AGO3: variants seen among roughly 807,000 people sequenced by gnomAD.
The protein encoded by AGO3 is argonaute RISC catalytic component 3, also known as protein argonaute-3.
AGO3 carries 16 observed loss-of-function variants against 105.5 expected under a neutral mutation model. That is an observed-to-expected ratio of 0.15 (90% CI 0.10 to 0.23). The LOEUF is 0.23. Among genes scored for constraint, AGO3 ranks in the 10% least tolerant of loss-of-function variants. AGO3 has a pLI of 1.00. For synonymous variants in AGO3, 340 were observed against 367.3 expected, an observed-to-expected ratio of 0.93 and a Z score of 0.85; for missense variants, 534 against 1,088.0, an observed-to-expected ratio of 0.49 and a Z score of 7.16.
At chr1:35,973,570 C>G in intron 5 of AGO3, 59 bp downstream of exon 5, 4 of 1,359,264 alleles carry the variant, frequency 2.9e-6, no homozygotes, top group Non-Finnish European at 3.8e-6. Flanking sequence ...GATGTGTGTA[C>G]ATAAATTTTA....
At chr1:35,959,799 A>T (rs904631033) in intron 2 of AGO3, among the ~76,000 whole-genome samples, 1 of 152,106 alleles carries the variant, frequency 6.6e-6, no homozygotes, top group East Asian at 1.9e-4. Context: ...ATGCTAAAAC[A>T]TTGTAGTGTA....
chr1:36,009,087 T>C, intron 8 of AGO3, 43 bp downstream of exon 8: 4 of 1,483,300 alleles, frequency 2.7e-6, no homozygotes, highest in Non-Finnish European at 3.5e-6. Context: ...TTGTTCATGA[T>C]TCTTTTGGGG....
chr1:35,947,576 A>T (rs1646390057), intron 2 of AGO3, among the ~76,000 whole-genome samples: 1 of 152,140 alleles, frequency 6.6e-6, no homozygotes. Context: ...ATACTCAGTA[A>T]AGTGAATGAA....
intron 11 of AGO3, among the ~76,000 whole-genome samples, chr1:36,021,878 C>T (rs909306489): frequency 1.2e-4 from 18 of 151,850 alleles, no homozygotes; most frequent in Non-Finnish European, 2.2e-4. Flanking sequence ...TCCTTCTTTC[C>T]TCTCTCTTTT....
intron 5 of AGO3, among the ~76,000 whole-genome samples, chr1:35,998,544 C>T (rs1351937460): frequency 2.0e-5 from 3 of 152,044 alleles, no homozygotes; most frequent in Non-Finnish European, 4.4e-5. Flanking sequence ...TTCATTCTTC[C>T]ATTGGCTTAT....
chr1:35,934,618 C>T (rs779012048), intron 1 of AGO3, among the ~76,000 whole-genome samples: 4 of 152,058 alleles, frequency 2.6e-5, no homozygotes, highest in Non-Finnish European at 5.9e-5. Flanking sequence ...ATCAGGGTCC[C>T]AATTTAGTAT....
chr1:35,945,218 T>C lies in AGO3; in HGVS notation c.20-474T>C, dbSNP rs79978206. On this transcript the variant is annotated intron_variant, in intron 1 of 18. Transcript: ENST00000373191. ...TTACTCTTTTCTTTTCTTTTCTTTT[T>C]TTTTTTTAAATAGAGACAAGTTCTC... 9.6e-3 allele frequency among the ~76,000 whole-genome samples: 1,096 copies of C among 113,938 alleles called. 9 individuals are homozygous for C. The highest frequency in any genetic ancestry group is 0.025 in the Admixed American group (196 of 7,976). The allele number at this position is 113,938 out of a possible 152,430, so 74.7% of individuals were successfully genotyped here.
chr1:36,012,414 G>A (rs1640664595), intron 9 of AGO3, among the ~76,000 whole-genome samples: 1 of 151,874 alleles, frequency 6.6e-6, no homozygotes, highest in African/African-American at 2.4e-5. Flanking sequence ...CATGCTTTAA[G>A]CATGAATTTC....
At position 36,063,193 on chromosome 1, in the gene AGO3, G is replaced by T. The variant is rs1643045427; in HGVS notation, c.*7448G>T. 1 of 152,222 alleles carries T rather than the reference G, an allele frequency of 6.6e-6. No individual in the cohort carries two copies. The highest frequency in any genetic ancestry group is 1.9e-4 in the East Asian group (1 of 5,186). 9.4% of individuals were successfully genotyped at this position (152,222 alleles called of 1,614,324 possible). ...ATATTTAATGTTGTTTATATAGTGG[G>T]CATTAAAGACAGTCTTTAGACAGAT... On this transcript the variant is annotated 3_prime_UTR_variant, in exon 19 of 19. Transcript: ENST00000373191.
In AGO3 at chr1:35,931,236, C is replaced by T. The variant is rs1646039674; in HGVS notation, c.-191C>T. The T allele has an allele frequency of 6.7e-6, 3 of 448,012 alleles. No individual in the cohort carries two copies. Among genetic ancestry groups the T allele is most frequent in the East Asian group, 7.1e-5 (2 of 28,142 alleles). The allele number at this position is 448,012 out of a possible 1,614,324, so 27.8% of individuals were successfully genotyped here. A position where few individuals can be genotyped will look rare whatever the true frequency, so the allele number is the denominator to read the frequency against. ...CCCCTTCCTCTCGCCTAGTCCTGTG[C>T]CGTTTTCCGTCCGCGACTCTTCCGG... On this transcript the variant is annotated 5_prime_UTR_variant, in exon 1 of 19. Transcript: ENST00000373191.
intron 5 of AGO3, among the ~76,000 whole-genome samples, chr1:35,994,642 C>A (rs954945610): frequency 6.6e-6 from 1 of 151,870 alleles, no homozygotes. Context: ...CAAAACAAAC[C>A]CCATTAAAAT....
intron 2 of AGO3, among the ~76,000 whole-genome samples, chr1:35,965,050 T>G (rs1020791294): frequency 6.6e-6 from 1 of 151,968 alleles, no homozygotes; most frequent in Non-Finnish European, 1.5e-5. Flanking sequence ...TATTTCAGTC[T>G]CCTCCATTTT....
Position 36,027,121 on chromosome 1 carries a change from A to G in AGO3, c.1414A>G (p.Thr472Ala). 6.2e-7 allele frequency: 1 copy of G among 1,612,436 alleles called. No homozygotes were observed. The highest frequency in any genetic ancestry group is 1.1e-5 in the South Asian group (1 of 90,978). The change falls in exon 12 of 19, where the codon ACA becomes GCA. Residue 472 changes from threonine to alanine, a missense_variant. Around this residue, in one of 2 missense-constraint regions of AGO3, gnomAD observed 373 missense variants for 854.0 expected, o/e 0.44. Coordinates refer to ENST00000373191, the MANE Select transcript of AGO3 (RefSeq NM_024852.4). This position sits in a 1 kb window ranked among gnomAD's most constrained non-coding sequence, Gnocchi z 4.0. ...AGTGGTTTCTCCTTCCAGGGGTTTC[A>G]CAGACCAGCTGCGTAAGATTTCTAA... ...QCREEILKGF[T>A]DQLRKISKDA...
chr1:35,978,851 C>T (rs1462415297), intron 5 of AGO3, among the ~76,000 whole-genome samples: 2 of 152,078 alleles, frequency 1.3e-5, no homozygotes, highest in Non-Finnish European at 2.9e-5. Flanking sequence ...TTCTGGTGAT[C>T]ACTGTTTTAG....
In AGO3 at chr1:36,070,359, A is replaced by G. The variant is rs1278085936; in HGVS notation, c.*14614A>G. ...GAAAGTTTCTGCTTCATGTGAATTC[A>G]ATTCTGAGCACCTGCAGGTCATATC... is the stretch of plus-strand genomic sequence containing the variant. On this transcript the variant is annotated 3_prime_UTR_variant, in exon 19 of 19. Transcript: ENST00000373191. 3 of 152,226 alleles carry G rather than the reference A, an allele frequency of 2.0e-5. No homozygotes were observed. The highest frequency in any genetic ancestry group is 7.2e-5 in the African/African-American group (3 of 41,462). The allele number at this position is 152,226 out of a possible 1,614,324, so 9.4% of individuals were successfully genotyped here.
At chr1:35,982,390 G>T (rs1336904760) in intron 5 of AGO3, among the ~76,000 whole-genome samples, 1 of 151,790 alleles carries the variant, frequency 6.6e-6, no homozygotes, top group Non-Finnish European at 1.5e-5. Flanking sequence ...GCAATGCTTA[G>T]AGAGAATTTA....
In AGO3 at chr1:35,953,272, GA is replaced by G. The variant is rs967020958; in HGVS notation, c.191+7420del. 9.2e-3 allele frequency among the ~76,000 whole-genome samples: 1,288 copies of G among 139,830 alleles called. 27 individuals carry two copies. Among genetic ancestry groups the G allele is most frequent in the African/African-American group, 0.029 (1,129 of 38,308 alleles). The allele number at this position is 139,830 out of a possible 152,430, so 91.7% of individuals were successfully genotyped here. A position where few individuals can be genotyped will look rare whatever the true frequency, so the allele number is the denominator to read the frequency against. ...AGCAAGACATCATTTCTACTAAAAA[GA>G]AAAAAAAAAAGAAGGCAGTGTCTGC... On this transcript the variant is annotated intron_variant, in intron 2 of 18. Coordinates refer to ENST00000373191, the MANE Select transcript of AGO3 (RefSeq NM_024852.4).
At chr1:35,947,700 G>T (rs1646392808) in intron 2 of AGO3, among the ~76,000 whole-genome samples, 1 of 152,040 alleles carries the variant, frequency 6.6e-6, no homozygotes. Flanking sequence ...TATCTCCTAG[G>T]ATCTTAGGCT....
intron 2 of AGO3, among the ~76,000 whole-genome samples, chr1:35,954,933 G>T (rs1266176755): frequency 6.6e-6 from 1 of 152,244 alleles, no homozygotes; most frequent in East Asian, 1.9e-4. Flanking sequence ...GCACCTGCCT[G>T]TGCTGATATA....
Sources: gnomAD v4.1 joint callset for allele counts (sites outside exome capture counted in the v4.1 genomes callset) on GRCh38, gnomAD v4.1.1 for gene constraint, gnomAD v4.1.1 regional missense constraint, Gnocchi (gnomAD v3.1) non-coding constraint, MANE v1.5 for transcripts, NCBI Gene and HGNC (gene_info 2026-07-23, HGNC 2026-07-21) for gene names.